Variants in DACH2 observed in about 807,000 individuals in gnomAD.
The protein encoded by DACH2 is dachshund homolog 2.
Under a neutral mutation model 35.8 loss-of-function variants are expected in DACH2, and 17 were observed. That is an observed-to-expected ratio of 0.48 (90% CI 0.33 to 0.71). DACH2 has a LOEUF of 0.71. Among genes scored for constraint, DACH2 ranks in the 30% least tolerant of loss-of-function variants. DACH2 has a pLI of 0.02. For missense variants in DACH2, 469 were observed against 472.7 expected, an observed-to-expected ratio of 0.99 and a Z score of 0.07; for synonymous variants, 195 against 177.3, an observed-to-expected ratio of 1.10 and a Z score of -0.79.
chrX:86,611,313 C>T (rs1240513637), intron 3 of DACH2, among the ~76,000 whole-genome samples: 1 of 109,837 alleles, frequency 9.1e-6, no homozygotes, highest in East Asian at 2.9e-4. Context: ...CCTTTTTACT[C>T]TTCTTCCTTT....
chrX:86,438,548 G>T (rs1377018637), intron 2 of DACH2, among the ~76,000 whole-genome samples: 2 of 111,780 alleles, frequency 1.8e-5, no homozygotes, highest in African/African-American at 6.5e-5. Flanking sequence ...TTTTATGGGT[G>T]CATAGTATTC....
chrX:86,194,595 C>T (rs899218357), intron 1 of DACH2, among the ~76,000 whole-genome samples: 1 of 112,581 alleles, frequency 8.9e-6, no homozygotes, highest in Non-Finnish European at 1.9e-5. Context: ...TGACAAGGAG[C>T]AACCTGCTCT....
intron 2 of DACH2, among the ~76,000 whole-genome samples, chrX:86,396,707 G>A (rs1270435330): frequency 9.0e-6 from 1 of 110,929 alleles, no homozygotes; most frequent in Admixed American, 9.6e-5. Flanking sequence ...GCAGATATGT[G>A]GCATTATTTC....
intron 7 of DACH2, among the ~76,000 whole-genome samples, chrX:86,756,975 T>C (rs1195695804): frequency 1.8e-5 from 2 of 111,587 alleles, no homozygotes; most frequent in Admixed American, 9.5e-5. Flanking sequence ...TTTTTTCTGC[T>C]ATTGAGATGA....
At chrX:86,556,155 G>T (rs7879417) in intron 3 of DACH2, among the ~76,000 whole-genome samples, 1 of 110,214 alleles carries the variant, frequency 9.1e-6, no homozygotes, top group Non-Finnish European at 1.9e-5. Flanking sequence ...AATCCTAGAA[G>T]TACTAGAAAG....
In DACH2 at chrX:86,813,241, C is replaced by G; in HGVS notation, c.1501C>G (p.Leu501Val). Residue 501 changes from leucine to valine, a missense_variant, in exon 9 of 12, where the codon CTT becomes GTT. By Grantham distance (32) the Leu-to-Val change is conservative. This residue lies in a region of DACH2 where 363 missense variants were observed against 334.4 expected (regional missense o/e 1.09). Transcript: ENST00000373125. ...TAGAGAGAGAGAAATTAGAGAAAAC[C>G]TTGAAAGACAACTTGCAGTTGAGCT... is the stretch of plus-strand genomic sequence containing the variant. Reference protein sequence around the residue: ...LYREREIRENLERQLAVELQS... With the variant: ...LYREREIRENVERQLAVELQS... The G allele has an allele frequency of 1.7e-6, 2 of 1,201,090 alleles. No homozygotes were observed. Among genetic ancestry groups the G allele is most frequent in the Non-Finnish European group, 2.2e-6 (2 of 892,162 alleles).
At chrX:86,624,164 A>C (rs1158569311) in intron 3 of DACH2, among the ~76,000 whole-genome samples, 1 of 109,950 alleles carries the variant, frequency 9.1e-6, no homozygotes, top group Non-Finnish European at 1.9e-5. Context: ...AAGTAATGCT[A>C]TTTAAACCTG....
intron 4 of DACH2, among the ~76,000 whole-genome samples, chrX:86,675,177 A>C (rs1326500394): frequency 3.6e-5 from 4 of 111,265 alleles, no homozygotes; most frequent in Non-Finnish European, 7.5e-5. Flanking sequence ...TTATTTATAG[A>C]AACAACTTAT....
At chrX:86,499,438 T>G (rs1344287805) in intron 2 of DACH2, among the ~76,000 whole-genome samples, 1 of 111,548 alleles carries the variant, frequency 9.0e-6, no homozygotes, top group Non-Finnish European at 1.9e-5. Flanking sequence ...ACAAAAATCC[T>G]GTAATATTAA....
chrX:86,817,313 A>T (rs1228212481), intron 11 of DACH2, among the ~76,000 whole-genome samples: 2 of 111,346 alleles, frequency 1.8e-5, no homozygotes, highest in African/African-American at 6.5e-5. Flanking sequence ...ACCAATTCAA[A>T]TGGGATTCAG....
intron 1 of DACH2, among the ~76,000 whole-genome samples, chrX:86,365,500 C>G (rs112070285): frequency 0.026 from 2,869 of 111,237 alleles, 72 homozygotes; most frequent in East Asian, 0.21. Context: ...GTATTACAAT[C>G]AAAGAATATA....
At chrX:86,322,551 A>T (rs2035035498) in intron 1 of DACH2, among the ~76,000 whole-genome samples, 1 of 111,685 alleles carries the variant, frequency 9.0e-6, no homozygotes, top group Non-Finnish European at 1.9e-5. Context: ...CCAGAGGAAG[A>T]AGTCAATAGG....
intron 1 of DACH2, among the ~76,000 whole-genome samples, chrX:86,281,419 A>T (rs749673954): frequency 8.9e-5 from 10 of 111,825 alleles, no homozygotes; most frequent in Admixed American, 2.9e-4. Context: ...ATCTCAGTAG[A>T]TGCAGAAAAG....
chrX:86,348,043 G>C (rs954327221), intron 1 of DACH2, among the ~76,000 whole-genome samples: 12 of 111,448 alleles, frequency 1.1e-4, no homozygotes, highest in South Asian at 3.8e-4. Flanking sequence ...CATATCAGCC[G>C]GATGCACTCA....
At chrX:86,274,739 C>A (rs1311801121) in intron 1 of DACH2, among the ~76,000 whole-genome samples, 4 of 108,948 alleles carry the variant, frequency 3.7e-5, no homozygotes, top group African/African-American at 1.3e-4. Flanking sequence ...ACCTCGTGAT[C>A]TGCCCACCTC....
At chrX:86,486,589 C>T (rs184948178) in intron 2 of DACH2, among the ~76,000 whole-genome samples, 9 of 111,517 alleles carry the variant, frequency 8.1e-5, no homozygotes, top group South Asian at 3.7e-4. Context: ...GGTTCTCTTA[C>T]GGTTGAGACT....
chrX:86,454,268 A>T (rs1396225109), intron 2 of DACH2, among the ~76,000 whole-genome samples: 1 of 110,889 alleles, frequency 9.0e-6, no homozygotes, highest in Non-Finnish European at 1.9e-5. Context: ...GGTGGACCTT[A>T]TCATGGAGTA....
intron 11 of DACH2, chrX:86,830,713 A>C (rs1277068316): frequency 5.4e-5 from 6 of 111,628 alleles, no homozygotes; most frequent in Non-Finnish European, 1.9e-5. Flanking sequence ...TGTAATGTTC[A>C]CAGTTTGTGT....
At chrX:86,393,443 GGA>G (rs2036233686) in intron 2 of DACH2, among the ~76,000 whole-genome samples, 1 of 112,170 alleles carries the variant, frequency 8.9e-6, no homozygotes, top group African/African-American at 3.2e-5. Flanking sequence ...ATAGATTACT[GGA>G]GAGTTTCAAT....
Sources: gnomAD v4.1 joint callset for allele counts (sites outside exome capture counted in the v4.1 genomes callset) on GRCh38, gnomAD v4.1.1 for gene constraint, gnomAD v4.1.1 regional missense constraint, MANE v1.5 for transcripts, NCBI Gene and HGNC (gene_info 2026-07-23, HGNC 2026-07-21) for gene names.